ZNF606: variants seen among roughly 807,000 people sequenced by gnomAD.
The protein encoded by ZNF606 is zinc finger protein 606.
A neutral mutation model predicts 74.9 loss-of-function variants in ZNF606; 37 were observed. That is an observed-to-expected ratio of 0.49 (90% CI 0.38 to 0.65). The LOEUF (loss-of-function observed/expected upper bound fraction) is 0.65. Ranked by LOEUF, ZNF606 falls within the 30% of genes least tolerant of loss-of-function variation. ZNF606 has a pLI of 0.00. For missense variants in ZNF606, 852 were observed against 952.9 expected, an observed-to-expected ratio of 0.89 and a Z score of 1.39; for synonymous variants, 328 against 312.4, an observed-to-expected ratio of 1.05 and a Z score of -0.53.
rs777844899 is a variant in ZNF606, at chr19:58,000,696, T to G, written c.75A>C (p.Pro25=). ...CTCTTGACTCACCCCAGGAGGCCCA[T>G]GGGTCAACAGCTGTCATCCCCCAAG... The part of the protein sequence containing the change: ...DQSWGMTAVD[P]WASWALCPQY... Residue 25 remains proline (P), a synonymous_variant, in exon 3 of 7, where the codon CCA becomes CCC. Coordinates refer to ENST00000551380, the MANE Select transcript of ZNF606 (RefSeq NM_001348022.3). 5.6e-6 allele frequency: 9 copies of G among 1,601,120 alleles called. No individual in the cohort carries two copies. The highest frequency in any genetic ancestry group is 7.7e-6 in the Non-Finnish European group (9 of 1,173,446).
chr19:58,001,085 C>T (rs1295685232), intron 2 of ZNF606: 1 of 628,654 alleles, frequency 1.6e-6, no homozygotes, highest in African/African-American at 1.8e-5. Context: ...AATGACACCT[C>T]TCAGGAGATG....
intron 4 of ZNF606, 58 bp downstream of exon 4, chr19:57,999,749 TG>T: frequency 6.5e-7 from 1 of 1,541,226 alleles, no homozygotes. Flanking sequence ...CCGCATCAAC[TG>T]GGATGACCAG....
At chr19:57,986,396 A>G (rs11669545) in intron 6 of ZNF606, among the ~76,000 whole-genome samples, 34,030 of 151,210 alleles carry the variant, frequency 0.23, 3,906 homozygotes, top group Non-Finnish European at 0.24. Flanking sequence ...AGACTCCAGT[A>G]AGCCAAGATC....
At chr19:58,000,860 T>G in intron 2 of ZNF606, 121 bp from the exon 3 acceptor site, 1 of 890,278 alleles carries the variant, frequency 1.1e-6, no homozygotes, top group Non-Finnish European at 1.7e-6. Context: ...AGCCCAAGGG[T>G]GTGTAAAAAA....
chr19:57,996,062 T>C (rs954109107), intron 4 of ZNF606, among the ~76,000 whole-genome samples: 9 of 152,130 alleles, frequency 5.9e-5, no homozygotes, highest in African/African-American at 2.2e-4. Context: ...AAAACTAAAA[T>C]AAATTTTTAA....
chr19:58,002,646 G>GGCAACGACGGC lies in ZNF606; in HGVS notation c.-313_-303dup, dbSNP rs984601479. 1 of 453,320 alleles carries GGCAACGACGGC rather than the reference G, an allele frequency of 2.2e-6. No homozygotes were observed. Among genetic ancestry groups the GGCAACGACGGC allele is most frequent in the African/African-American group, 2.0e-5 (1 of 49,780 alleles). 28.1% of individuals were successfully genotyped at this position (453,320 alleles called of 1,614,324 possible). On this transcript the variant is annotated 5_prime_UTR_variant, in exon 1 of 7. Transcript: ENST00000551380. ...GCAGGCTGCTGGCTGGAGAACCGAC[G>GGCAACGACGGC]GCAACGACGGCGCAAAGCCGGCGCG... is the stretch of plus-strand genomic sequence containing the variant.
At chr19:58,003,107 G>T (rs9304809), upstream of ZNF606, 55,019 of 410,574 alleles carry the variant, frequency 0.13, 3,859 homozygotes, top group African/African-American at 0.17. Flanking sequence ...TCGTGGTACC[G>T]GGTTTCCCGG....
chr19:57,999,816 G>C lies in ZNF606; in HGVS notation c.169C>G (p.Gln57Glu). 6.2e-7 allele frequency: 1 copy of C among 1,613,986 alleles called. No homozygotes were observed. ...GGACAGCCCCATCTCACCTGAACCTGGGCTGCTGGGAGCCCAGTGGCCCTC... is the reference window on the plus strand; with the variant it reads ...GGACAGCCCCATCTCACCTGAACCTCGGCTGCTGGGAGCCCAGTGGCCCTC... ...GRRATGLPAA[Q>E]VQEPVTFKDV... The change falls in exon 4 of 7, where the codon CAG (glutamine) becomes GAG (glutamate). Residue 57 changes from glutamine to glutamate, a missense_variant. By Grantham distance (29) the Gln-to-Glu change is conservative (BLOSUM62 2). Coordinates refer to ENST00000551380, the MANE Select transcript of ZNF606 (RefSeq NM_001348022.3).
intron 6 of ZNF606, among the ~76,000 whole-genome samples, chr19:57,985,905 G>C (rs2073156742): frequency 6.6e-6 from 1 of 152,026 alleles, no homozygotes; most frequent in East Asian, 1.9e-4. Flanking sequence ...CTGCACTCCA[G>C]CCTGGGCGAC....
At chr19:57,999,560 G>A (rs1328469523) in intron 4 of ZNF606, 9 of 514,056 alleles carry the variant, frequency 1.8e-5, no homozygotes, top group Non-Finnish European at 3.1e-5. Flanking sequence ...CAAAAGGGCT[G>A]CCCTTCATGC....
intron 6 of ZNF606, among the ~76,000 whole-genome samples, chr19:57,985,683 C>G (rs1476149293): frequency 2.6e-5 from 4 of 151,862 alleles, no homozygotes. Flanking sequence ...AATCCCAGCA[C>G]TTTGGGAGGG....
intron 4 of ZNF606, among the ~76,000 whole-genome samples, chr19:57,989,333 A>ATT (rs201603717): frequency 1.6e-4 from 24 of 149,222 alleles, no homozygotes; most frequent in Non-Finnish European, 3.0e-4. Context: ...ATCTAAACTG[A>ATT]TTTTTTTTTT....
chr19:57,980,566 G>T (rs572205195), intron 6 of ZNF606, among the ~76,000 whole-genome samples: 10 of 151,176 alleles, frequency 6.6e-5, no homozygotes, highest in Non-Finnish European at 1.3e-4. Context: ...GCCGGACGAG[G>T]TGGCTACGCC....
intron 4 of ZNF606, chr19:57,999,475 C>G (rs2073384379): frequency 2.4e-6 from 1 of 417,310 alleles, no homozygotes; most frequent in Admixed American, 3.8e-5. Context: ...GCACAGCAGG[C>G]ACTGCACAGC....
Position 58,002,733 on chromosome 19 carries a change from C to G in ZNF606, c.-389G>C, listed in dbSNP as rs988954293. 4 of 452,504 alleles carry G rather than the reference C, an allele frequency of 8.8e-6. No homozygotes were observed. Among genetic ancestry groups the G allele is most frequent in the Admixed American group, 4.7e-5 (2 of 42,172 alleles). 28.0% of individuals were successfully genotyped at this position (452,504 alleles called of 1,614,324 possible). On this transcript the variant is annotated 5_prime_UTR_variant, in exon 1 of 7. Transcript: ENST00000551380. Reference sequence around the variant, plus strand: ...CTCCCAGCCGGCTCTCCTGACCCCCCAAGCCCCGCAGCTACGGCGGCCCCA... The same window carrying G: ...CTCCCAGCCGGCTCTCCTGACCCCCGAAGCCCCGCAGCTACGGCGGCCCCA...
chr19:58,003,036 A>T (rs1204511956), upstream of ZNF606: 1 of 431,578 alleles, frequency 2.3e-6, no homozygotes, highest in Admixed American at 2.6e-5. Context: ...TCCCACTGCA[A>T]AAAGGCCTGG....
chr19:57,986,425 C>G (rs1214670754), intron 6 of ZNF606, among the ~76,000 whole-genome samples: 1 of 152,128 alleles, frequency 6.6e-6, no homozygotes, highest in Non-Finnish European at 1.5e-5. Context: ...GCACTCCAGC[C>G]TGGGCAACAG....
chr19:57,994,711 T>C (rs1267088364), intron 4 of ZNF606, among the ~76,000 whole-genome samples: 2 of 152,164 alleles, frequency 1.3e-5, no homozygotes, highest in Admixed American at 1.3e-4. Flanking sequence ...ATCAAGAAGA[T>C]GCACATTAAA....
chr19:58,000,087 T>C (rs1462253577), intron 3 of ZNF606, 191 bp from the exon 4 acceptor site: 2 of 511,456 alleles, frequency 3.9e-6, no homozygotes, highest in Non-Finnish European at 6.8e-6. Flanking sequence ...GAATCTCTCA[T>C]TGGCCCCCCC....
Sources: allele counts gnomAD v4.1 joint callset (sites outside exome capture counted in the v4.1 genomes callset), GRCh38; gene constraint gnomAD v4.1.1; transcripts MANE v1.5; gene names NCBI Gene and HGNC (gene_info 2026-07-23, HGNC 2026-07-21).